DPH6: variants seen among roughly 807,000 people sequenced by gnomAD.
The protein encoded by DPH6 is diphthine--ammonia ligase.
DPH6 carries 33 observed loss-of-function variants against 38.2 expected under a neutral mutation model. That is an observed-to-expected ratio of 0.86 (90% CI 0.65 to 1.15). DPH6 has a LOEUF of 1.15. Ranked by LOEUF, DPH6 falls within the 50% of genes most tolerant of loss-of-function variation. The pLI is 0.00. For synonymous variants in DPH6, 108 were observed against 103.0 expected, an observed-to-expected ratio of 1.05 and a Z score of -0.30; for missense variants, 325 against 320.0, an observed-to-expected ratio of 1.02 and a Z score of -0.12.
chr15:35,238,179 G>A, intron 3 of DPH6: 1 of 636,392 alleles, frequency 1.6e-6, no homozygotes, highest in Non-Finnish European at 2.6e-6. Context: ...TTGTAACGTT[G>A]CTGTGGGAAC....
chr15:35,418,278 C>A (rs942722718), intron 5 of DPH6, among the ~76,000 whole-genome samples: 1 of 152,016 alleles, frequency 6.6e-6, no homozygotes, highest in African/African-American at 2.4e-5. Context: ...ATATCAATAT[C>A]AAGAAATATC....
At chr15:35,496,567 A>AATATATATATATATATAT (rs1165939476) in intron 3 of DPH6, among the ~76,000 whole-genome samples, 772 of 30,834 alleles carry the variant, frequency 0.025, 83 homozygotes, top group South Asian at 0.044. Flanking sequence ...AAAAAAAAAA[A>AATATATATATATATATAT]ATATATATAT....
At chr15:35,382,709 T>C (rs2052888055) in intron 6 of DPH6, among the ~76,000 whole-genome samples, 1 of 152,176 alleles carries the variant, frequency 6.6e-6, no homozygotes, top group Non-Finnish European at 1.5e-5. Context: ...ATGTTTATTA[T>C]GCTTGCAGTT....
At chr15:35,400,658 A>G in intron 6 of DPH6, 1 of 602,702 alleles carries the variant, frequency 1.7e-6, no homozygotes, top group Admixed American at 2.5e-5. Flanking sequence ...CCACCGAGGA[A>G]GCATCATTAA....
chr15:35,485,133 A>C (rs969757478), intron 3 of DPH6, among the ~76,000 whole-genome samples: 5 of 152,314 alleles, frequency 3.3e-5, no homozygotes, highest in Admixed American at 1.3e-4. Flanking sequence ...CCTAATTTTA[A>C]AAATGAGAAA....
chr15:35,222,078 A>G (rs1444583259), intron 3 of DPH6, among the ~76,000 whole-genome samples: 1 of 152,154 alleles, frequency 6.6e-6, no homozygotes, highest in Non-Finnish European at 1.5e-5. Flanking sequence ...GTTCATTAGA[A>G]TTGCTTTTAC....
chr15:35,487,263 G>A (rs933067083), intron 3 of DPH6, among the ~76,000 whole-genome samples: 1 of 152,210 alleles, frequency 6.6e-6, no homozygotes, highest in Non-Finnish European at 1.5e-5. Context: ...GTGCCCCAGT[G>A]GGAACTCTGG....
rs534999476 is a variant in DPH6 at position 35,387,500 on chromosome 15, T to C, written c.568-5584A>G. ...CATGGAATATTCTTCCATTTGTTTGTATCCTCTTTTATTTCATTGAGCAGT... is the reference window on the plus strand; with the variant it reads ...CATGGAATATTCTTCCATTTGTTTGCATCCTCTTTTATTTCATTGAGCAGT... On this transcript the variant is annotated intron_variant, in intron 6 of 8. Transcript: ENST00000256538. Among the ~76,000 whole-genome samples the C allele has an allele frequency of 4.8e-4, 73 of 152,346 alleles. No homozygotes were observed. The South Asian group carries it at 9.7e-3, about 20-fold the overall frequency.
At chr15:35,198,637 C>T in the DPH6 span, among the ~76,000 whole-genome samples, 2 of 152,234 alleles carry the variant, frequency 1.3e-5, no homozygotes, top group South Asian at 2.1e-4. Context: ...AACTGGTGAA[C>T]AAATATGAAA....
intron 6 of DPH6, among the ~76,000 whole-genome samples, chr15:35,402,154 T>C (rs2053228793): frequency 6.6e-6 from 1 of 152,194 alleles, no homozygotes; most frequent in Non-Finnish European, 1.5e-5. Context: ...TCTTGGTAAA[T>C]TTCCCCAACA....
intron 3 of DPH6, among the ~76,000 whole-genome samples, chr15:35,247,051 A>T (rs960393754): frequency 1.3e-5 from 2 of 152,170 alleles, no homozygotes; most frequent in Non-Finnish European, 2.9e-5. Context: ...TGCTGATTCC[A>T]TTTGCCTCAA....
intron 3 of DPH6, chr15:35,331,123 A>G (rs999311097): frequency 2.0e-5 from 3 of 152,206 alleles, no homozygotes; most frequent in Non-Finnish European, 4.4e-5. Context: ...TGAGACCTAT[A>G]ATGACAGATG....
Position 35,537,763 on chromosome 15 carries a change from TG to T in DPH6, c.312+510del, listed in dbSNP as rs1313280528. ...TAGCACCACCTCCACAGCTATGCCC[TG>T]CCATCATGTGCAATCTGATTCTGCT... On this transcript the variant is annotated intron_variant, in intron 3 of 8. Transcript: ENST00000256538. 3.3e-5 allele frequency among the ~76,000 whole-genome samples: 5 copies of T among 152,144 alleles called. No individual in the cohort carries two copies. The East Asian group carries it at 9.6e-4, about 29-fold the overall frequency.
chr15:35,459,988 G>A (rs1433462086), intron 3 of DPH6, among the ~76,000 whole-genome samples: 1 of 152,030 alleles, frequency 6.6e-6, no homozygotes, highest in African/African-American at 2.4e-5. Flanking sequence ...TAACAAAGCT[G>A]GTAAATAAAA....
At chr15:35,491,548 TACACACACACACACACACACAC>T (rs71309445) in intron 3 of DPH6, among the ~76,000 whole-genome samples, 3 of 137,694 alleles carry the variant, frequency 2.2e-5, no homozygotes, top group Non-Finnish European at 3.2e-5. Flanking sequence ...CCAATAGGTG[TACACACACACACACACACACAC>T]ACACACACAC....
rs183790820 is a variant in DPH6, at chr15:35,281,053, A to G, written n.201-60471T>C. On this transcript the variant is annotated intron_variant and non_coding_transcript_variant, in intron 3 of 3. Transcript: ENST00000560386. ...TGTGCCATGCTGGTGTGCTGCACCCATTAACTTGTCATTTAGCATTAGGTA... is the reference window on the plus strand; with the variant it reads ...TGTGCCATGCTGGTGTGCTGCACCCGTTAACTTGTCATTTAGCATTAGGTA... 4.0e-3 allele frequency among the ~76,000 whole-genome samples: 612 copies of G among 152,248 alleles called. 4 individuals carry two copies. Among genetic ancestry groups the G allele is most frequent in the African/African-American group, 0.014 (597 of 41,544 alleles).
the DPH6 span, among the ~76,000 whole-genome samples, chr15:35,207,038 CTTT>C: frequency 0.011 from 825 of 74,044 alleles, 9 homozygotes; most frequent in Middle Eastern, 0.023. Context: ...TTTAGTAAAG[CTTT>C]TTTTTTTTTT....
At chr15:35,226,803 T>C (rs1170633036) in intron 3 of DPH6, among the ~76,000 whole-genome samples, 1 of 152,178 alleles carries the variant, frequency 6.6e-6, no homozygotes, top group East Asian at 1.9e-4. Flanking sequence ...ATACCAGTTT[T>C]GTCTGGTTTT....
At chr15:35,430,564 G>A (rs147225000) in intron 5 of DPH6, among the ~76,000 whole-genome samples, 340 of 151,534 alleles carry the variant, frequency 2.2e-3, no homozygotes, top group African/African-American at 7.7e-3. Flanking sequence ...AATAAAACCA[G>A]TGATTTTTAA....
Sources: gnomAD v4.1 joint callset for allele counts (sites outside exome capture counted in the v4.1 genomes callset) on GRCh38, gnomAD v4.1.1 for gene constraint, MANE v1.5 for transcripts, NCBI Gene and HGNC (gene_info 2026-07-23, HGNC 2026-07-21) for gene names.